CALCOCO2: variants seen among roughly 807,000 people sequenced by gnomAD.
CALCOCO2 encodes calcium binding and coiled-coil domain 2, also known as calcium-binding and coiled-coil domain-containing protein 2.
Under a neutral mutation model 62.5 loss-of-function variants are expected in CALCOCO2, and 42 were observed. The observed-to-expected ratio is 0.67, with a 90% CI of 0.53 to 0.87. CALCOCO2 has a LOEUF of 0.87. Ranked by LOEUF, CALCOCO2 falls within the 40% of genes least tolerant of loss-of-function variation. CALCOCO2 has a pLI of 0.00. For synonymous variants in CALCOCO2, 167 were observed against 173.0 expected (o/e 0.97, Z 0.27); for missense variants, 456 against 515.0 (o/e 0.89, Z 1.11).
chr17:48,857,589 A>G (rs111341180), intron 10 of CALCOCO2, among the ~76,000 whole-genome samples: 16,830 of 142,254 alleles, frequency 0.12, 1,757 homozygotes, highest in African/African-American at 0.29. Context: ...TACAACCTCC[A>G]CCTCCTGATC....
chr17:48,849,257 G>C lies in CALCOCO2; in HGVS notation c.423G>C (p.Glu141Asp). Residue 141 changes from glutamate to aspartate, a missense_variant, in exon 5 of 13, where the codon GAG becomes GAC. By Grantham distance (45) the Glu-to-Asp change is conservative (BLOSUM62 2). This residue lies in a region of CALCOCO2 where 236 missense variants were observed against 225.3 expected (regional missense o/e 1.05). Transcript: ENST00000258947. Reference protein sequence around the residue: ...EDILVVTTQGEVEEIEQHNKE... With the variant: ...EDILVVTTQGDVEEIEQHNKE... ...TATGGAATGTTCTTTTGTAGGGAGA[G>C]GTGGAAGAGATTGAGCAGCACAACA... 1 of 1,613,644 alleles carries C rather than the reference G, an allele frequency of 6.2e-7. No homozygotes were observed. Among genetic ancestry groups the C allele is most frequent in the Non-Finnish European group, 8.5e-7 (1 of 1,179,716 alleles).
chr17:48,848,181 G>A lies in CALCOCO2; in HGVS notation c.283+15G>A, dbSNP rs191324287. ...CCAATTCAAAGGTGAGAAAAATACT[G>A]GATCAAAGGTGTTGAAGACAGTAGC... On this transcript the variant is annotated intron_variant, in intron 3 of 12. Coordinates refer to ENST00000258947, the MANE Select transcript of CALCOCO2 (RefSeq NM_005831.5). The A allele has an allele frequency of 7.1e-5, 112 of 1,577,764 alleles. No individual in the cohort carries two copies. The East Asian group carries it at 2.4e-3, about 33-fold the overall frequency.
At chr17:48,841,538 G>C (rs1258802060) in intron 1 of CALCOCO2, 160 bp from the exon 2 acceptor site, 1 of 484,538 alleles carries the variant, frequency 2.1e-6, no homozygotes. Flanking sequence ...GAGATGGCTC[G>C]AAGTGAAACA....
chr17:48,854,879 C>G lies in CALCOCO2; in HGVS notation c.913-1213C>G, dbSNP rs922718287. ...GCACTAACTGTGGAGGAGCAGTTAGCACAAGAGGTGGAACGCCTTAAGGCA... is the reference window on the plus strand; with the variant it reads ...GCACTAACTGTGGAGGAGCAGTTAGGACAAGAGGTGGAACGCCTTAAGGCA... On this transcript the variant is annotated intron_variant, in intron 9 of 12. Transcript: ENST00000258947. Among the ~76,000 whole-genome samples, 4 of 152,060 alleles carry G rather than the reference C, an allele frequency of 2.6e-5. No homozygotes were observed. In the East Asian group the frequency reaches 7.7e-4, roughly 29 times the overall value.
chr17:48,856,470 T>C (rs1374111014), intron 10 of CALCOCO2: 6 of 475,910 alleles, frequency 1.3e-5, no homozygotes, highest in Non-Finnish European at 1.7e-5. Flanking sequence ...TCACAGCTAA[T>C]ATATGTTGCC....
At chr17:48,847,484 T>A (rs529584977) in intron 2 of CALCOCO2, among the ~76,000 whole-genome samples, 1 of 152,284 alleles carries the variant, frequency 6.6e-6, no homozygotes, top group South Asian at 2.1e-4. Context: ...GAGCTAGTTT[T>A]CAAATCCTTC....
intron 1 of CALCOCO2, among the ~76,000 whole-genome samples, chr17:48,835,441 A>G (rs953501665): frequency 7.2e-5 from 11 of 152,204 alleles, no homozygotes; most frequent in African/African-American, 2.2e-4. Flanking sequence ...TTGAGTTCTC[A>G]ATACCTCACA....
chr17:48,853,092 T>C, intron 9 of CALCOCO2, 80 bp downstream of exon 9: 1 of 924,726 alleles, frequency 1.1e-6, no homozygotes, highest in Non-Finnish European at 1.8e-6. Context: ...ATTTTCCGGT[T>C]GATGGACAGG....
intron 1 of CALCOCO2, among the ~76,000 whole-genome samples, chr17:48,841,110 C>T (rs1179636503): frequency 6.6e-6 from 1 of 152,188 alleles, no homozygotes; most frequent in Admixed American, 6.5e-5. Flanking sequence ...TTGCCCAATG[C>T]CACAAATTTA....
intron 9 of CALCOCO2, among the ~76,000 whole-genome samples, chr17:48,855,641 C>T (rs980670858): frequency 1.3e-5 from 2 of 152,044 alleles, no homozygotes; most frequent in Admixed American, 6.6e-5. Context: ...TAACTTGAGC[C>T]GAGATGCCTA....
chr17:48,833,919 A>C (rs1456153403), intron 1 of CALCOCO2, among the ~76,000 whole-genome samples: 1 of 152,074 alleles, frequency 6.6e-6, no homozygotes, highest in Admixed American at 6.5e-5. Flanking sequence ...GCCTGAGTCC[A>C]GGAGTTCAAG....
chr17:48,848,792 C>G (rs1203838804), intron 4 of CALCOCO2: 1 of 503,412 alleles, frequency 2.0e-6, no homozygotes, highest in Non-Finnish European at 3.9e-6. Context: ...ATATTCTTAT[C>G]TCTTTCAGTT....
intron 10 of CALCOCO2, chr17:48,856,589 G>A (rs2040217860): frequency 2.2e-6 from 1 of 456,490 alleles, no homozygotes; most frequent in Non-Finnish European, 4.4e-6. Flanking sequence ...GAGCAGAAGT[G>A]GTGGTCTGTA....
intron 10 of CALCOCO2, among the ~76,000 whole-genome samples, chr17:48,857,828 A>T (rs960787968): frequency 6.7e-6 from 1 of 148,642 alleles, no homozygotes; most frequent in African/African-American, 2.5e-5. Flanking sequence ...CAAAAAAAAA[A>T]TTAGCGAGCT....
chr17:48,833,371 A>G (rs1191710452), intron 1 of CALCOCO2, among the ~76,000 whole-genome samples: 4 of 152,142 alleles, frequency 2.6e-5, no homozygotes, highest in Admixed American at 2.6e-4. Flanking sequence ...CTTGGCCAAC[A>G]TAGTGAAACC....
At chr17:48,841,530 G>C (rs2039974107) in intron 1 of CALCOCO2, 168 bp from the exon 2 acceptor site, 3 of 486,652 alleles carry the variant, frequency 6.2e-6, no homozygotes, top group Non-Finnish European at 1.1e-5. Flanking sequence ...TTGTGACTGA[G>C]ATGGCTCGAA....
intron 2 of CALCOCO2, among the ~76,000 whole-genome samples, chr17:48,847,209 C>T (rs2040064094): frequency 6.6e-6 from 1 of 151,970 alleles, no homozygotes; most frequent in South Asian, 2.1e-4. Context: ...CCCTCTGCCC[C>T]CAACACAGAC....
intron 11 of CALCOCO2, among the ~76,000 whole-genome samples, chr17:48,860,995 G>A (rs1176833634): frequency 1.3e-5 from 2 of 152,142 alleles, no homozygotes; most frequent in East Asian, 3.9e-4. Context: ...TTTACTTTTT[G>A]GGACAGTTAA....
intron 11 of CALCOCO2, among the ~76,000 whole-genome samples, chr17:48,861,659 G>GTATATATATATATATACATATATATATA (rs367595425): frequency 1.5e-5 from 2 of 135,236 alleles, no homozygotes; most frequent in Admixed American, 7.3e-5. Context: ...ATATGTGTGT[G>GTATATATATATATATACATATATATATA]TGTATATATA....
Sources: gnomAD v4.1 joint callset for allele counts (sites outside exome capture counted in the v4.1 genomes callset) on GRCh38, gnomAD v4.1.1 for gene constraint, gnomAD v4.1.1 regional missense constraint, MANE v1.5 for transcripts, NCBI Gene and HGNC (gene_info 2026-07-23, HGNC 2026-07-21) for gene names.